The following RYR2 variants were observed in gnomAD, a reference collection of about 807,000 sequenced individuals.
RYR2 encodes the protein cardiac muscle ryanodine receptor-calcium release channel.
RYR2 carries 227 observed loss-of-function variants against 601.1 expected under a neutral mutation model. The ratio of observed to expected loss-of-function variants is 0.38; its 90% CI spans 0.34 to 0.42. The LOEUF is 0.42. Ranked by LOEUF, RYR2 falls within the 10% of genes least tolerant of loss-of-function variation. The probability of loss-of-function intolerance (pLI) is 1.00; values close to 1 mark genes in which losing one functional copy is unlikely to be tolerated. For missense variants in RYR2, 4,646 were observed against 6,156.5 expected, an observed-to-expected ratio of 0.75 and a Z score of 8.21; for synonymous variants, 2,223 against 2,175.1, an observed-to-expected ratio of 1.02 and a Z score of -0.61.
chr1:237,181,277 C>A (rs761581757), intron 1 of RYR2, among the ~76,000 whole-genome samples: 4 of 152,198 alleles, frequency 2.6e-5, no homozygotes, highest in Non-Finnish European at 4.4e-5. Context: ...AGCCACCACA[C>A]CTGGCAGCTA....
chr1:237,178,420 G>A (rs1402893248), intron 1 of RYR2, among the ~76,000 whole-genome samples: 5 of 17,620 alleles, frequency 2.8e-4, no homozygotes, highest in African/African-American at 8.6e-4. Context: ...AAGGCTCTGT[G>A]TGTGTGTGTG....
intron 12 of RYR2, among the ~76,000 whole-genome samples, chr1:237,439,307 A>G (rs1707680784): frequency 1.3e-5 from 2 of 152,320 alleles, no homozygotes; most frequent in Middle Eastern, 3.4e-3. Flanking sequence ...TTTCTAATGT[A>G]ACTTCAGCAT....
intron 101 of RYR2, among the ~76,000 whole-genome samples, chr1:237,824,119 T>C (rs1476451751): frequency 6.6e-6 from 1 of 152,192 alleles, no homozygotes; most frequent in Non-Finnish European, 1.5e-5. Flanking sequence ...GCTGGTACCA[T>C]TCCTTTGAAA....
intron 1 of RYR2, among the ~76,000 whole-genome samples, chr1:237,221,369 A>T (rs1249529111): frequency 6.6e-6 from 1 of 152,218 alleles, no homozygotes; most frequent in Non-Finnish European, 1.5e-5. Flanking sequence ...TTAACTTATG[A>T]AATGTGTAAG....
intron 1 of RYR2, among the ~76,000 whole-genome samples, chr1:237,047,493 C>G (rs1314380651): frequency 3.3e-5 from 5 of 150,976 alleles, no homozygotes; most frequent in Admixed American, 6.6e-5. Context: ...ACCCGGATAC[C>G]TTATTTGGTT....
chr1:237,204,431 G>A (rs1045246546), intron 1 of RYR2, among the ~76,000 whole-genome samples: 3 of 150,006 alleles, frequency 2.0e-5, no homozygotes, highest in Non-Finnish European at 4.5e-5. Context: ...TGCTGATACT[G>A]TTGTTGTTGT....
chr1:237,232,724 C>G (rs1052862924), intron 1 of RYR2, among the ~76,000 whole-genome samples: 1 of 151,928 alleles, frequency 6.6e-6, no homozygotes, highest in Non-Finnish European at 1.5e-5. Flanking sequence ...AGCCCTTAAC[C>G]GGGGAATCTG....
intron 1 of RYR2, among the ~76,000 whole-genome samples, chr1:237,190,586 A>G (rs1309145076): frequency 2.0e-5 from 3 of 152,368 alleles, no homozygotes; most frequent in East Asian, 3.9e-4. Context: ...GAAAAAAACC[A>G]ATACAAATAA....
intron 83 of RYR2, among the ~76,000 whole-genome samples, chr1:237,760,586 A>G (rs1693342107): frequency 6.6e-6 from 1 of 152,106 alleles, no homozygotes; most frequent in African/African-American, 2.4e-5. Flanking sequence ...ATTTAAAATC[A>G]TTCAGACAGC....
intron 37 of RYR2, 71 bp from the exon 38 acceptor site, chr1:237,617,215 A>G (rs1573141468): frequency 7.3e-7 from 1 of 1,362,896 alleles, no homozygotes; most frequent in Non-Finnish European, 1.0e-6. Context: ...TGTTTACCAC[A>G]GATTATGATT....
At chr1:237,798,914 C>CACTT (rs1475992903) in intron 97 of RYR2, among the ~76,000 whole-genome samples, 1 of 152,008 alleles carries the variant, frequency 6.6e-6, no homozygotes, top group Non-Finnish European at 1.5e-5. Flanking sequence ...TTATTGTAGT[C>CACTT]ACTTAATGAT....
At chr1:237,127,535 G>A (rs558298619) in intron 1 of RYR2, among the ~76,000 whole-genome samples, 27 of 150,414 alleles carry the variant, frequency 1.8e-4, no homozygotes, top group East Asian at 2.0e-4. Flanking sequence ...CCTCCCTCCC[G>A]GACGGGGCGG....
intron 97 of RYR2, among the ~76,000 whole-genome samples, chr1:237,798,799 CACATAT>C (rs933805984): frequency 1.4e-4 from 17 of 119,136 alleles, no homozygotes; most frequent in African/African-American, 5.5e-4. Context: ...CACACACACA[CACATAT>C]AGTGTGAGTG....
intron 1 of RYR2, among the ~76,000 whole-genome samples, chr1:237,129,197 T>A (rs1671875992): frequency 1.3e-5 from 2 of 152,226 alleles, no homozygotes; most frequent in South Asian, 4.1e-4. Context: ...GTATTCCTGC[T>A]TCTGCCATTG....
intron 39 of RYR2, among the ~76,000 whole-genome samples, chr1:237,624,211 A>G (rs1026776802): frequency 1.3e-5 from 2 of 152,184 alleles, no homozygotes; most frequent in Admixed American, 6.5e-5. Flanking sequence ...GTCAATGGGT[A>G]CAAAGTTTCG....
In RYR2 at chr1:237,791,571, G is replaced by T. The variant is rs1324514862; in HGVS notation, c.13563+56G>T. On this transcript the variant is annotated intron_variant, in intron 93 of 104. Coordinates refer to ENST00000366574, the MANE Select transcript of RYR2 (RefSeq NM_001035.3). ...TATAAAACTCCAAATAGAAATGAAT[G>T]TAAAGATTTCACGATGAACGTATCT... 4 of 908,680 alleles carry T rather than the reference G, an allele frequency of 4.4e-6. No homozygotes were observed. In the Admixed American group the frequency reaches 8.1e-5, roughly 18 times the overall value. 56.3% of individuals were successfully genotyped at this position (908,680 alleles called of 1,614,324 possible). A position where few individuals can be genotyped will look rare whatever the true frequency, so the allele number is the denominator to read the frequency against.
At chr1:237,720,071 G>A (rs749478304) in intron 73 of RYR2, among the ~76,000 whole-genome samples, 2 of 152,178 alleles carry the variant, frequency 1.3e-5, no homozygotes, top group Non-Finnish European at 2.9e-5. Context: ...AGTAGTTTTG[G>A]CAATCCAGTG....
At chr1:237,595,215 G>C (rs1389366294) in intron 33 of RYR2, among the ~76,000 whole-genome samples, 2 of 152,074 alleles carry the variant, frequency 1.3e-5, no homozygotes, top group Admixed American at 6.6e-5. Flanking sequence ...AGTTTGGTTT[G>C]AGTTTTTGGA....
intron 89 of RYR2, among the ~76,000 whole-genome samples, chr1:237,783,453 A>G (rs1292200171): frequency 2.6e-5 from 4 of 152,148 alleles, no homozygotes; most frequent in Admixed American, 2.6e-4. Context: ...TTGTTGAAAT[A>G]TTTTATGTGT....
Sources: gnomAD v4.1 joint callset for allele counts (sites outside exome capture counted in the v4.1 genomes callset) on GRCh38, gnomAD v4.1.1 for gene constraint, MANE v1.5 for transcripts, NCBI Gene and HGNC (gene_info 2026-07-23, HGNC 2026-07-21) for gene names.